The following FOXN1 variants were observed in gnomAD, a reference collection of about 807,000 sequenced individuals.
FOXN1 encodes the protein forkhead box protein N1.
FOXN1 carries 15 observed loss-of-function variants against 49.0 expected under a neutral mutation model. That is an observed-to-expected ratio of 0.31 (90% CI 0.20 to 0.47). The LOEUF is 0.47. Ranked by LOEUF, FOXN1 falls within the 20% of genes least tolerant of loss-of-function variation. FOXN1 has a pLI of 1.00. For synonymous variants in FOXN1, 356 were observed against 369.0 expected, an observed-to-expected ratio of 0.96 and a Z score of 0.40; for missense variants, 800 against 842.8, an observed-to-expected ratio of 0.95 and a Z score of 0.63.
intron 6 of FOXN1, among the ~76,000 whole-genome samples, chr17:28,532,323 C>T (rs540263369): frequency 1.3e-5 from 2 of 152,340 alleles, no homozygotes; most frequent in African/African-American, 4.8e-5. Context: ...CACTCCCTCA[C>T]TCCTGAGTTT....
At chr17:28,525,517 C>G (rs117262629) in intron 3 of FOXN1, among the ~76,000 whole-genome samples, 1 of 152,166 alleles carries the variant, frequency 6.6e-6, no homozygotes, top group African/African-American at 2.4e-5. Flanking sequence ...CCATAAGCGG[C>G]GTGACCCTGG....
At chr17:28,531,833 A>G (rs2151494825) in intron 6 of FOXN1, among the ~76,000 whole-genome samples, 1 of 152,244 alleles carries the variant, frequency 6.6e-6, no homozygotes, top group Non-Finnish European at 1.5e-5. Flanking sequence ...GGATAATTTG[A>G]CGCTTGATGT....
At chr17:28,512,603 T>C (rs1030177441) in intron 1 of FOXN1, among the ~76,000 whole-genome samples, 7 of 152,202 alleles carry the variant, frequency 4.6e-5, no homozygotes, top group Non-Finnish European at 7.4e-5. Flanking sequence ...ACCCCATCTC[T>C]AGAACCTGGG....
chr17:28,506,898 T>C (rs1334460302), intron 1 of FOXN1, among the ~76,000 whole-genome samples: 1 of 152,216 alleles, frequency 6.6e-6, no homozygotes, highest in African/African-American at 2.4e-5. Flanking sequence ...CAAGGGTGTG[T>C]GCAGATCAAG....
intron 3 of FOXN1, 108 bp downstream of exon 3, chr17:28,525,075 C>A (rs1275417073): frequency 4.4e-6 from 4 of 901,154 alleles, no homozygotes; most frequent in South Asian, 1.4e-5. Context: ...TCTTTGCAGA[C>A]CTTGCCACTC....
chr17:28,526,467 C>T (rs993411482), intron 3 of FOXN1, among the ~76,000 whole-genome samples: 8 of 152,338 alleles, frequency 5.3e-5, no homozygotes, highest in Middle Eastern at 3.4e-3. Context: ...AGCTGCACAC[C>T]CTCCTGTCCG....
At chr17:28,526,655 A>G (rs2069776214) in intron 3 of FOXN1, among the ~76,000 whole-genome samples, 1 of 152,206 alleles carries the variant, frequency 6.6e-6, no homozygotes, top group South Asian at 2.1e-4. Context: ...AGCAGGGAGC[A>G]AAAGCTCTGC....
chr17:28,520,452 G>T (rs1339467938), intron 1 of FOXN1, among the ~76,000 whole-genome samples: 1 of 152,192 alleles, frequency 6.6e-6, no homozygotes, highest in African/African-American at 2.4e-5. Flanking sequence ...ACCAAATCAG[G>T]AGTCCCCACT....
At chr17:28,535,474 G>T (rs2070039971) in intron 8 of FOXN1, among the ~76,000 whole-genome samples, 1 of 152,204 alleles carries the variant, frequency 6.6e-6, no homozygotes, top group African/African-American at 2.4e-5. Context: ...TCTTGGCAGG[G>T]CACAGTGGCT....
chr17:28,516,830 C>G (rs2069516987), intron 1 of FOXN1, among the ~76,000 whole-genome samples: 1 of 71,316 alleles, frequency 1.4e-5, no homozygotes, highest in Non-Finnish European at 3.4e-5. Context: ...GGATACACAC[C>G]TCCACAGGGT....
At chr17:28,509,909 C>T (rs1343141131) in intron 1 of FOXN1, among the ~76,000 whole-genome samples, 4 of 152,148 alleles carry the variant, frequency 2.6e-5, no homozygotes, top group Admixed American at 1.3e-4. Context: ...TGCGCATCCC[C>T]GGGTCTCTAC....
intron 6 of FOXN1, 56 bp downstream of exon 6, chr17:28,530,901 C>T (rs2069897453): frequency 1.0e-6 from 1 of 981,796 alleles, no homozygotes; most frequent in Non-Finnish European, 1.7e-6. Flanking sequence ...CAGGCCAGGC[C>T]TCTCTGAGCA....
chr17:28,520,372 C>T (rs1459615709), intron 1 of FOXN1, among the ~76,000 whole-genome samples: 2 of 152,212 alleles, frequency 1.3e-5, no homozygotes, highest in Admixed American at 6.5e-5. Flanking sequence ...TTAGGAAAGT[C>T]ACTTTACCTG....
chr17:28,523,085 C>T (rs2069674462), intron 1 of FOXN1, among the ~76,000 whole-genome samples: 1 of 152,196 alleles, frequency 6.6e-6, no homozygotes, highest in Non-Finnish European at 1.5e-5. Context: ...AGGCCTGAGT[C>T]CTCTTAACCA....
chr17:28,525,334 G>A (rs569465696), intron 3 of FOXN1, among the ~76,000 whole-genome samples: 132 of 152,328 alleles, frequency 8.7e-4, no homozygotes, highest in Middle Eastern at 3.4e-3. Flanking sequence ...GAAAGGGTTT[G>A]GGGAGGAGCC....
chr17:28,536,853 C>T (rs1361033445), intron 8 of FOXN1, among the ~76,000 whole-genome samples: 1 of 152,104 alleles, frequency 6.6e-6, no homozygotes, highest in Non-Finnish European at 1.5e-5. Flanking sequence ...AGGCATCAAC[C>T]CCTCCCCAAT....
rs1278633346 is a variant in FOXN1, at chr17:28,524,572, C to T, written c.193C>T (p.Pro65Ser). Residue 65 changes from proline to serine, a missense_variant, in exon 3 of 9, where the codon CCA (proline) becomes TCA (serine). This residue lies in a region of FOXN1 where 383 missense variants were observed against 357.9 expected (regional missense o/e 1.07). Coordinates refer to ENST00000579795, the MANE Select transcript of FOXN1 (RefSeq NM_001369369.1). Reference sequence around the variant, plus strand: ...TCCAGAGAGGACACCCTCACTGCCCCCACACAGCCCCCGCATTGCGTCACC... The same window carrying T: ...TCCAGAGAGGACACCCTCACTGCCCTCACACAGCCCCCGCATTGCGTCACC... The part of the protein sequence containing the change: ...GPPERTPSLP[P>S]HSPRIASPGP... 3.1e-6 allele frequency: 5 copies of T among 1,613,676 alleles called. No homozygotes were observed. Among genetic ancestry groups the T allele is most frequent in the Non-Finnish European group, 3.4e-6 (4 of 1,179,986 alleles).
Position 28,537,660 on chromosome 17 carries a change from G to T in FOXN1, c.*224G>T. The T allele has an allele frequency of 9.7e-6, 6 of 615,696 alleles. No individual in the cohort carries two copies. The Middle Eastern group carries it at 1.3e-3, about 134-fold the overall frequency. 38.1% of individuals were successfully genotyped at this position (615,696 alleles called of 1,614,324 possible). ...CGTGGTGGCCCAGCTCCTCACCCAG[G>T]GCCCCCAAAGAGCAAGCGTCTGGGC... On this transcript the variant is annotated 3_prime_UTR_variant, in exon 9 of 9. Coordinates refer to ENST00000579795, the MANE Select transcript of FOXN1 (RefSeq NM_001369369.1).
At chr17:28,518,664 C>T (rs758949291) in intron 1 of FOXN1, among the ~76,000 whole-genome samples, 1 of 152,198 alleles carries the variant, frequency 6.6e-6, no homozygotes, top group Admixed American at 6.5e-5. Context: ...TCCATCCCCG[C>T]TCCCCAAGGA....
Sources: gnomAD v4.1 joint callset for allele counts (sites outside exome capture counted in the v4.1 genomes callset) on GRCh38, gnomAD v4.1.1 for gene constraint, gnomAD v4.1.1 regional missense constraint, MANE v1.5 for transcripts, NCBI Gene and HGNC (gene_info 2026-07-23, HGNC 2026-07-21) for gene names.